The following KAZN variants were observed in gnomAD, a reference collection of about 807,000 sequenced individuals.
KAZN encodes the protein kazrin, periplakin interacting protein.
Under a neutral mutation model 87.4 loss-of-function variants are expected in KAZN, and 40 were observed. That is an observed-to-expected ratio of 0.46 (90% CI 0.36 to 0.60). The LOEUF (loss-of-function observed/expected upper bound fraction) is 0.60, where lower values mean the gene tolerates loss of function less well. KAZN is among the 20% of genes least tolerant of loss of function. The pLI, the probability that KAZN is intolerant of heterozygous loss-of-function variation, is 0.00. For missense variants in KAZN, 898 were observed against 1,073.9 expected (o/e 0.84, Z 2.29); for synonymous variants, 466 against 458.3 (o/e 1.02, Z -0.22).
chr1:14,801,786 C>A (rs1004672594), intron 1 of KAZN, among the ~76,000 whole-genome samples: 1 of 151,546 alleles, frequency 6.6e-6, no homozygotes. Flanking sequence ...CGGGTTCATG[C>A]CATTCTCCTT....
intron 1 of KAZN, among the ~76,000 whole-genome samples, chr1:14,064,995 G>A (rs1025769825): frequency 3.9e-5 from 6 of 152,210 alleles, no homozygotes; most frequent in Non-Finnish European, 8.8e-5. Context: ...CTGGTCAAGA[G>A]GCTGGGTTTT....
chr1:14,862,414 T>A (rs1650972733), intron 1 of KAZN, among the ~76,000 whole-genome samples: 1 of 152,020 alleles, frequency 6.6e-6, no homozygotes, highest in Admixed American at 6.6e-5. Flanking sequence ...GAGTTTCCCA[T>A]CCCAGTGCAC....
chr1:13,927,340 AG>A (rs1257883855), intron 1 of KAZN, among the ~76,000 whole-genome samples: 1 of 152,208 alleles, frequency 6.6e-6, no homozygotes, highest in African/African-American at 2.4e-5. Flanking sequence ...AACAGAGCTG[AG>A]CACAGTGGGG....
At chr1:14,535,664 CA>C (rs56960061) in intron 2 of KAZN, among the ~76,000 whole-genome samples, 136,749 of 146,212 alleles carry the variant, frequency 0.94, 64,072 homozygotes, top group East Asian at 0.99. Context: ...GACTCTGTCT[CA>C]AAAAAAAAAA....
intron 13 of KAZN, among the ~76,000 whole-genome samples, chr1:15,104,719 C>G (rs1443581417): frequency 6.6e-6 from 1 of 152,178 alleles, no homozygotes; most frequent in Non-Finnish European, 1.5e-5. Context: ...ACCAGTCCCC[C>G]TCCCAGTGGA....
At chr1:14,180,381 C>A (rs938168845) in intron 1 of KAZN, 7 of 1,505,814 alleles carry the variant, frequency 4.6e-6, no homozygotes, top group South Asian at 1.3e-5. Flanking sequence ...TAGTCAATTT[C>A]TCTTTGAAAG....
chr1:14,039,979 G>A (rs921520791), intron 1 of KAZN, among the ~76,000 whole-genome samples: 1 of 152,168 alleles, frequency 6.6e-6, no homozygotes, highest in African/African-American at 2.4e-5. Context: ...TTATGAAAAC[G>A]TTAGATAAAT....
chr1:14,748,575 C>T (rs1247034137), intron 1 of KAZN, among the ~76,000 whole-genome samples: 2 of 152,176 alleles, frequency 1.3e-5, no homozygotes, highest in Non-Finnish European at 2.9e-5. Context: ...TGAGGCAATG[C>T]GTGTAAGTCA....
At chr1:14,777,920 T>C (rs1645227594) in intron 1 of KAZN, among the ~76,000 whole-genome samples, 1 of 152,162 alleles carries the variant, frequency 6.6e-6, no homozygotes, top group Non-Finnish European at 1.5e-5. Flanking sequence ...TTTAGCATGC[T>C]AATTCATTAT....
At chr1:14,119,198 AT>A (rs1268388637) in intron 1 of KAZN, among the ~76,000 whole-genome samples, 3 of 152,150 alleles carry the variant, frequency 2.0e-5, no homozygotes, top group Non-Finnish European at 4.4e-5. Flanking sequence ...GGTTTTCACG[AT>A]GAGAAGACCA....
At chr1:15,042,108 A>G (rs1672984912) in intron 3 of KAZN, among the ~76,000 whole-genome samples, 2 of 152,230 alleles carry the variant, frequency 1.3e-5, no homozygotes, top group Admixed American at 6.5e-5. Flanking sequence ...CACCCGGCCT[A>G]GAGCCCTTGG....
Position 15,066,453 on chromosome 1 carries a change from G to A in KAZN, c.1222+700G>A, listed in dbSNP as rs906851308. 26 of 985,192 alleles carry A rather than the reference G, an allele frequency of 2.6e-5. No individual in the cohort carries two copies. The highest frequency in any genetic ancestry group is 2.4e-4 in the African/African-American group (14 of 57,180). The allele number at this position is 985,192 out of a possible 1,614,324, so 61.0% of individuals were successfully genotyped here. ...TAAGCTCTGCTCTCTACAAAGACTC[G>A]CGAGCCGGGCCAAGGGGCCTTGTCT... On this transcript the variant is annotated intron_variant, in intron 8 of 14. Coordinates refer to ENST00000376030, the MANE Select transcript of KAZN (RefSeq NM_201628.3). This position sits in a 1 kb window ranked among gnomAD's most constrained non-coding sequence, Gnocchi z 4.3.
intron 1 of KAZN, among the ~76,000 whole-genome samples, chr1:14,917,743 G>C (rs138164951): frequency 1.3e-5 from 2 of 152,282 alleles, no homozygotes; most frequent in East Asian, 3.9e-4. Flanking sequence ...CCAACTCACT[G>C]GGTGGGCAGC....
At chr1:14,796,192 C>T (rs1304235435) in intron 1 of KAZN, among the ~76,000 whole-genome samples, 1 of 152,186 alleles carries the variant, frequency 6.6e-6, no homozygotes, top group Non-Finnish European at 1.5e-5. Context: ...TGTAATCCCA[C>T]AGATAAGCCT....
At chr1:14,696,220 G>A (rs1572247109) in intron 1 of KAZN, among the ~76,000 whole-genome samples, 1 of 152,194 alleles carries the variant, frequency 6.6e-6, no homozygotes, top group East Asian at 1.9e-4. Context: ...AGTGAACTCT[G>A]GGAACAAGTG....
intron 1 of KAZN, among the ~76,000 whole-genome samples, chr1:13,988,246 C>T (rs1639113027): frequency 6.6e-6 from 1 of 152,032 alleles, no homozygotes; most frequent in Admixed American, 6.6e-5. Flanking sequence ...AAAGACCAGA[C>T]TACCAAATCA....
intron 2 of KAZN, among the ~76,000 whole-genome samples, chr1:14,459,784 T>A (rs1021218967): frequency 1.3e-5 from 2 of 152,132 alleles, no homozygotes; most frequent in Non-Finnish European, 2.9e-5. Flanking sequence ...TTAAATAGCA[T>A]CTGTAAACAG....
At chr1:13,986,241 T>C (rs181417644) in intron 1 of KAZN, among the ~76,000 whole-genome samples, 1 of 152,320 alleles carries the variant, frequency 6.6e-6, no homozygotes, top group Admixed American at 6.5e-5. Flanking sequence ...AAACTGTAAA[T>C]ATGATTGTAT....
chr1:14,671,618 C>G (rs900020792), intron 1 of KAZN, among the ~76,000 whole-genome samples: 12 of 152,170 alleles, frequency 7.9e-5, no homozygotes, highest in African/African-American at 2.2e-4. Context: ...TAGAATTTCC[C>G]CCCGTGGGCA....
Sources: gnomAD v4.1 joint callset for allele counts (sites outside exome capture counted in the v4.1 genomes callset) on GRCh38, gnomAD v4.1.1 for gene constraint, Gnocchi (gnomAD v3.1) non-coding constraint, MANE v1.5 for transcripts, NCBI Gene and HGNC (gene_info 2026-07-23, HGNC 2026-07-21) for gene names.